Variants in ARHGAP44 observed in about 807,000 individuals in gnomAD.
ARHGAP44 encodes rho GTPase-activating protein 44.
ARHGAP44 carries 43 observed loss-of-function variants against 106.8 expected under a neutral mutation model. That is an observed-to-expected ratio of 0.40 (90% CI 0.32 to 0.52). ARHGAP44 has a LOEUF of 0.52. Ranked by LOEUF, ARHGAP44 falls within the 20% of genes least tolerant of loss-of-function variation. The probability of loss-of-function intolerance (pLI) is 0.48; values close to 1 mark genes in which losing one functional copy is unlikely to be tolerated. For missense variants in ARHGAP44, 866 were observed against 1,050.5 expected, an observed-to-expected ratio of 0.82 and a Z score of 2.43; for synonymous variants, 439 against 410.3, an observed-to-expected ratio of 1.07 and a Z score of -0.85.
At chr17:12,790,887 G>C (rs2033731080) in intron 1 of ARHGAP44, 1 of 152,352 alleles carries the variant, frequency 6.6e-6, no homozygotes, top group South Asian at 2.1e-4. Context: ...ATTCAGGTGT[G>C]CTGTTCTAAA....
At chr17:12,849,889 C>T (rs1472804597) in intron 1 of ARHGAP44, among the ~76,000 whole-genome samples, 6 of 151,930 alleles carry the variant, frequency 3.9e-5, no homozygotes, top group African/African-American at 9.7e-5. Context: ...AGTGTTTGTT[C>T]GAGTGAGCGA....
intron 1 of ARHGAP44, among the ~76,000 whole-genome samples, chr17:12,849,214 CGTGT>C (rs112920406): frequency 2.0e-5 from 3 of 149,272 alleles, no homozygotes; most frequent in East Asian, 2.0e-4. Flanking sequence ...CTGAGGTGGG[CGTGT>C]GTGTGTGTGT....
intron 19 of ARHGAP44, among the ~76,000 whole-genome samples, chr17:12,982,309 C>CT (rs1003470182): frequency 2.6e-5 from 3 of 116,484 alleles, no homozygotes; most frequent in African/African-American, 9.3e-5. Flanking sequence ...CTTAGCAGGT[C>CT]TTTTTTTTTA....
At chr17:12,890,059 G>T (rs560894824) in intron 1 of ARHGAP44, among the ~76,000 whole-genome samples, 1 of 152,262 alleles carries the variant, frequency 6.6e-6, no homozygotes, top group African/African-American at 2.4e-5. Flanking sequence ...GTTTTCTCAG[G>T]CTGGGGCTAT....
Position 12,949,857 on chromosome 17 carries a change from CT to C in ARHGAP44, c.1055+129del. 1 of 898,576 alleles carries C rather than the reference CT, an allele frequency of 1.1e-6. No homozygotes were observed. The highest frequency in any genetic ancestry group is 1.7e-6 in the Non-Finnish European group (1 of 590,512). 55.7% of individuals were successfully genotyped at this position (898,576 alleles called of 1,614,324 possible). A position where few individuals can be genotyped will look rare whatever the true frequency, so the allele number is the denominator to read the frequency against. On this transcript the variant is annotated intron_variant, in intron 12 of 20. Transcript: ENST00000379672. The surrounding 1 kb of genome is among the most constrained non-coding windows in gnomAD (Gnocchi z 4.1). The stretch of plus-strand genomic sequence containing the variant: ...TCTTGATCTCTGCCATGAAGGAGTG[CT>C]TATACATTTGCCCAAGGAGGCAGGT...
chr17:12,792,057 A>G (rs961323181), intron 1 of ARHGAP44, among the ~76,000 whole-genome samples: 21 of 152,056 alleles, frequency 1.4e-4, no homozygotes, highest in African/African-American at 5.1e-4. Context: ...TTTTCTCCCC[A>G]TTCTCATCTC....
At chr17:12,941,174 G>A (rs2038699288) in intron 8 of ARHGAP44, 50 bp downstream of exon 8, 2 of 1,543,396 alleles carry the variant, frequency 1.3e-6, no homozygotes, top group Non-Finnish European at 9.0e-7. Context: ...GTAGGAGAAG[G>A]GAATGTGGGC....
chr17:12,952,985 CAAA>C (rs2039034628), intron 13 of ARHGAP44, among the ~76,000 whole-genome samples: 1 of 152,000 alleles, frequency 6.6e-6, no homozygotes, highest in African/African-American at 2.4e-5. Flanking sequence ...GAAATGGACT[CAAA>C]GAAGCGAACC....
Position 12,864,869 on chromosome 17 carries a change from A to G in ARHGAP44, c.54-30071A>G, listed in dbSNP as rs147979856. On this transcript the variant is annotated intron_variant, in intron 1 of 20. Coordinates refer to ENST00000379672, the MANE Select transcript of ARHGAP44 (RefSeq NM_014859.6). ...CTAAAAGAAGATCACTGCTAAGAAC[A>G]TAATCACTATTCTGAAAGATGAAGG... is the stretch of plus-strand genomic sequence containing the variant. 1.2e-3 allele frequency among the ~76,000 whole-genome samples: 178 copies of G among 152,336 alleles called. 1 individual carries two copies. The highest frequency in any genetic ancestry group is 6.8e-3 in the Middle Eastern group (2 of 294).
At chr17:12,961,077 C>G (rs936209281) in intron 16 of ARHGAP44, among the ~76,000 whole-genome samples, 26 of 152,148 alleles carry the variant, frequency 1.7e-4, no homozygotes, top group Admixed American at 7.9e-4. Context: ...CCAGGTGTTT[C>G]TACCCCAAAG....
intron 1 of ARHGAP44, among the ~76,000 whole-genome samples, chr17:12,879,995 G>A (rs949727028): frequency 1.3e-5 from 2 of 151,984 alleles, no homozygotes; most frequent in Non-Finnish European, 2.9e-5. Flanking sequence ...ACTGTCTCAG[G>A]TGTGGCAAAG....
chr17:12,803,195 C>A (rs1374148974), intron 1 of ARHGAP44, among the ~76,000 whole-genome samples: 10 of 151,450 alleles, frequency 6.6e-5, no homozygotes, highest in Non-Finnish European at 1.2e-4. Flanking sequence ...TGGTCTCGAA[C>A]TCCTGACCTC....
At chr17:12,969,841 C>T (rs776088940) in intron 16 of ARHGAP44, among the ~76,000 whole-genome samples, 5 of 152,112 alleles carry the variant, frequency 3.3e-5, no homozygotes, top group Admixed American at 6.6e-5. Flanking sequence ...ATGGAAATGC[C>T]GGAAACAGGA....
At chr17:12,943,438 A>T (rs2038758104) in intron 8 of ARHGAP44, 150 bp from the exon 9 acceptor site, 1 of 645,982 alleles carries the variant, frequency 1.5e-6, no homozygotes, top group East Asian at 2.8e-5. Context: ...AAGAGGAAGC[A>T]TGCTCGTTAT....
intron 1 of ARHGAP44, among the ~76,000 whole-genome samples, chr17:12,798,232 T>A (rs1246545991): frequency 6.6e-6 from 1 of 152,220 alleles, no homozygotes; most frequent in Non-Finnish European, 1.5e-5. Flanking sequence ...TATAGAACAA[T>A]GTTAAAATAT....
At chr17:12,940,668 A>G (rs2038681999) in intron 7 of ARHGAP44, among the ~76,000 whole-genome samples, 1 of 152,218 alleles carries the variant, frequency 6.6e-6, no homozygotes, top group African/African-American at 2.4e-5. Context: ...GACCAGTGGA[A>G]TGATCAAAGA....
chr17:12,892,367 G>T (rs1280764990), intron 1 of ARHGAP44, among the ~76,000 whole-genome samples: 1 of 141,064 alleles, frequency 7.1e-6, no homozygotes, highest in Non-Finnish European at 1.5e-5. Flanking sequence ...TTGGTTTCAA[G>T]ATTTGTCTTT....
intron 6 of ARHGAP44, among the ~76,000 whole-genome samples, chr17:12,928,711 G>C (rs2038317346): frequency 6.6e-6 from 1 of 152,270 alleles, no homozygotes; most frequent in South Asian, 2.1e-4. Context: ...CTATCTGAAG[G>C]GGCAGCTGAT....
intron 5 of ARHGAP44, among the ~76,000 whole-genome samples, chr17:12,916,831 T>C (rs1415837276): frequency 1.3e-5 from 2 of 152,238 alleles, no homozygotes; most frequent in South Asian, 2.1e-4. Flanking sequence ...TAGGAAATGC[T>C]TGGGGAGCTT....
Sources: gnomAD v4.1 joint callset for allele counts (sites outside exome capture counted in the v4.1 genomes callset) on GRCh38, gnomAD v4.1.1 for gene constraint, Gnocchi (gnomAD v3.1) non-coding constraint, MANE v1.5 for transcripts, NCBI Gene and HGNC (gene_info 2026-07-23, HGNC 2026-07-21) for gene names.